CHAF1A: variants seen among roughly 807,000 people sequenced by gnomAD.
CHAF1A encodes chromatin assembly factor 1 subunit A, also known as CAF-1 subunit A.
Under a neutral mutation model 93.2 loss-of-function variants are expected in CHAF1A, and 5 were observed. The ratio of observed to expected loss-of-function variants is 0.05; its 90% confidence interval spans 0.03 to 0.11. The LOEUF (loss-of-function observed/expected upper bound fraction) is 0.11, where lower values mean the gene tolerates loss of function less well. Among genes scored for constraint, CHAF1A ranks in the 10% least tolerant of loss-of-function variants. The pLI, the probability that CHAF1A is intolerant of heterozygous loss-of-function variation, is 1.00. For synonymous variants in CHAF1A, 504 were observed against 510.3 expected, an observed-to-expected ratio of 0.99 and a Z score of 0.17; for missense variants, 1,102 against 1,259.9, an observed-to-expected ratio of 0.87 and a Z score of 1.90.
chr19:4,420,340 T>G (rs1421019531), intron 4 of CHAF1A, among the ~76,000 whole-genome samples: 3 of 152,072 alleles, frequency 2.0e-5, no homozygotes, highest in Non-Finnish European at 4.4e-5. Context: ...CCTCCCAGGT[T>G]CGAGCGATTC....
chr19:4,420,216 C>G (rs780358948), intron 4 of CHAF1A, among the ~76,000 whole-genome samples: 1 of 151,306 alleles, frequency 6.6e-6, no homozygotes, highest in Non-Finnish European at 1.5e-5. Flanking sequence ...GTGTTAGGAG[C>G]GGGCACCTGT....
intron 13 of CHAF1A, 137 bp from the exon 14 acceptor site, chr19:4,442,108 G>C (rs986171969): frequency 4.5e-6 from 3 of 669,568 alleles, no homozygotes; most frequent in African/African-American, 3.6e-5. Flanking sequence ...TTACCAAATT[G>C]GGTTCTGGAT....
chr19:4,449,800 C>T (rs1440124534), downstream of CHAF1A: 2 of 152,052 alleles, frequency 1.3e-5, no homozygotes, highest in Admixed American at 6.6e-5. Context: ...ACAGGTGGGG[C>T]TGAGAAGAAA....
At chr19:4,421,752 G>A (rs1973993920) in intron 4 of CHAF1A, among the ~76,000 whole-genome samples, 1 of 152,124 alleles carries the variant, frequency 6.6e-6, no homozygotes, top group African/African-American at 2.4e-5. Flanking sequence ...CTCCACCATG[G>A]GCAACAGAGT....
chr19:4,425,930 A>T (rs1444858642), intron 7 of CHAF1A, among the ~76,000 whole-genome samples: 2 of 152,160 alleles, frequency 1.3e-5, no homozygotes, highest in Admixed American at 1.3e-4. Context: ...TGGATTTTTA[A>T]AAATTGACAT....
At chr19:4,416,537 G>A (rs1973899897) in intron 3 of CHAF1A, among the ~76,000 whole-genome samples, 1 of 152,176 alleles carries the variant, frequency 6.6e-6, no homozygotes, top group Non-Finnish European at 1.5e-5. Flanking sequence ...CTAGAAGGTA[G>A]AAGTCCTAGA....
intron 3 of CHAF1A, among the ~76,000 whole-genome samples, chr19:4,416,329 A>G (rs1369839833): frequency 1.3e-5 from 2 of 152,136 alleles, no homozygotes; most frequent in African/African-American, 4.8e-5. Flanking sequence ...GTCTCTTCCC[A>G]TTGCTCTTCA....
chr19:4,443,946 C>T (rs1032443005), downstream of CHAF1A, among the ~76,000 whole-genome samples: 5 of 152,216 alleles, frequency 3.3e-5, no homozygotes, highest in African/African-American at 1.2e-4. Flanking sequence ...AGCTTCCCTT[C>T]AGGGAACCCT....
chr19:4,445,859 G>A (rs1432155615), downstream of CHAF1A: 5 of 1,065,172 alleles, frequency 4.7e-6, no homozygotes, highest in African/African-American at 3.2e-5. Flanking sequence ...GGAAACTGAG[G>A]CGTGGAGTAG....
downstream of CHAF1A, chr19:4,446,826 G>A (rs757823932): frequency 1.2e-6 from 2 of 1,614,028 alleles, no homozygotes; most frequent in Non-Finnish European, 1.7e-6. Flanking sequence ...GCCAGGCCCT[G>A]TCCACTTACC....
At chr19:4,420,977 C>G (rs1973981460) in intron 4 of CHAF1A, among the ~76,000 whole-genome samples, 2 of 151,988 alleles carry the variant, frequency 1.3e-5, no homozygotes, top group South Asian at 4.2e-4. Flanking sequence ...GGCAGGAGGA[C>G]TGATTTGAGC....
At position 4,443,364 on chromosome 19, in the gene CHAF1A, C is replaced by T. The variant is rs1022503754; in HGVS notation, c.*339C>T. 2 of 313,648 alleles carry T rather than the reference C, an allele frequency of 6.4e-6. No homozygotes were observed. The highest frequency in any genetic ancestry group is 4.4e-5 in the Admixed American group (1 of 22,770). The allele number at this position is 313,648 out of a possible 1,614,324, so 19.4% of individuals were successfully genotyped here. On this transcript the variant is annotated 3_prime_UTR_variant, in exon 15 of 15. Coordinates refer to ENST00000301280, the MANE Select transcript of CHAF1A (RefSeq NM_005483.3). ...CACGTGCGCGGGCCCCTGGACCTAA[C>T]GAGGCAGTGTATAAACTTATTCTCT... is the stretch of plus-strand genomic sequence containing the variant.
rs1974431176 is a variant in CHAF1A, at chr19:4,443,264, A to C, written c.*239A>C. 2.0e-6 allele frequency: 1 copy of C among 503,402 alleles called. No homozygotes were observed. Among genetic ancestry groups the C allele is most frequent in the African/African-American group, 1.9e-5 (1 of 51,724 alleles). The allele number at this position is 503,402 out of a possible 1,614,324, so 31.2% of individuals were successfully genotyped here. On this transcript the variant is annotated 3_prime_UTR_variant, in exon 15 of 15. Transcript: ENST00000301280. ...ATTGAGATTGCTGGCCTATTGGGGAAGCCTGCGGGCACAGGAGCAGGCGTG... is the reference window on the plus strand; with the variant it reads ...ATTGAGATTGCTGGCCTATTGGGGACGCCTGCGGGCACAGGAGCAGGCGTG...
At chr19:4,442,642 A>G (rs1974415037) in intron 14 of CHAF1A, among the ~76,000 whole-genome samples, 1 of 152,208 alleles carries the variant, frequency 6.6e-6, no homozygotes, top group African/African-American at 2.4e-5. Flanking sequence ...GGCCAGGTGG[A>G]TTTCTGGAGC....
chr19:4,412,972 G>C (rs973170839), intron 3 of CHAF1A, among the ~76,000 whole-genome samples: 2 of 152,208 alleles, frequency 1.3e-5, no homozygotes, highest in African/African-American at 4.8e-5. Flanking sequence ...AGCTGAGAGA[G>C]ACTCCATCCC....
chr19:4,423,758 T>A (rs1286088276), intron 6 of CHAF1A, 48 bp from the exon 7 acceptor site: 2 of 1,572,512 alleles, frequency 1.3e-6, no homozygotes, highest in Admixed American at 1.7e-5. Flanking sequence ...CAACACATAC[T>A]GTTCCTCTTC....
chr19:4,448,692 G>A (rs372573234), downstream of CHAF1A: 9 of 485,070 alleles, frequency 1.9e-5, no homozygotes, highest in Admixed American at 6.7e-5. Context: ...CCAGTGTGAC[G>A]CGACAGAACT....
chr19:4,447,118 T>C (rs1342541451), downstream of CHAF1A: 9 of 610,882 alleles, frequency 1.5e-5, no homozygotes, highest in East Asian at 2.5e-4. Flanking sequence ...CCAACAGCTC[T>C]GCACAGAGGA....
downstream of CHAF1A, chr19:4,446,397 G>A (rs776268944): frequency 2.1e-5 from 33 of 1,578,534 alleles, no homozygotes; most frequent in East Asian, 4.6e-5. Flanking sequence ...ACGCTCAGCC[G>A]CTCCACCGCC....
Sources: allele counts gnomAD v4.1 joint callset (sites outside exome capture counted in the v4.1 genomes callset), GRCh38; gene constraint gnomAD v4.1.1; transcripts MANE v1.5; gene names NCBI Gene and HGNC (gene_info 2026-07-23, HGNC 2026-07-21).